The following ELMO1 variants were observed in gnomAD, a reference collection of about 807,000 sequenced individuals.
ELMO1 encodes the protein engulfment and cell motility protein 1.
ELMO1 carries 26 observed loss-of-function variants against 98.9 expected under a neutral mutation model. The observed-to-expected ratio is 0.26, with a 90% CI of 0.19 to 0.36. ELMO1 has a LOEUF of 0.36. Among genes scored for constraint, ELMO1 ranks in the 10% least tolerant of loss-of-function variants. The pLI, the probability that ELMO1 is intolerant of heterozygous loss-of-function variation, is 1.00. For synonymous variants in ELMO1, 346 were observed against 346.0 expected, an observed-to-expected ratio of 1.00 and a Z score of 0.00; for missense variants, 627 against 935.2, an observed-to-expected ratio of 0.67 and a Z score of 4.30.
chr7:36,960,056 T>C (rs971047985), intron 16 of ELMO1, among the ~76,000 whole-genome samples: 4 of 152,200 alleles, frequency 2.6e-5, no homozygotes, highest in Non-Finnish European at 5.9e-5. Context: ...CTCCTGTCCA[T>C]TGGTCTCCCC....
intron 16 of ELMO1, among the ~76,000 whole-genome samples, chr7:36,991,051 C>A (rs898802248): frequency 5.3e-5 from 8 of 152,154 alleles, no homozygotes; most frequent in Admixed American, 2.6e-4. Flanking sequence ...GATTCATGTT[C>A]TTTGCTGGCA....
At chr7:37,036,608 AC>A (rs1026148076) in intron 15 of ELMO1, among the ~76,000 whole-genome samples, 49 of 152,074 alleles carry the variant, frequency 3.2e-4, no homozygotes, top group African/African-American at 1.2e-3. Flanking sequence ...CAAACTCCTA[AC>A]CTCAAGTAAT....
chr7:37,152,640 T>C (rs1788443681), intron 13 of ELMO1, among the ~76,000 whole-genome samples: 1 of 152,110 alleles, frequency 6.6e-6, no homozygotes, highest in African/African-American at 2.4e-5. Flanking sequence ...GTGGGAAGCA[T>C]ACACTCAGAT....
chr7:37,345,813 C>T (rs1314905211), intron 1 of ELMO1, among the ~76,000 whole-genome samples: 1 of 151,828 alleles, frequency 6.6e-6, no homozygotes, highest in Non-Finnish European at 1.5e-5. Context: ...CGCCGTGAAA[C>T]CCCATCTCTA....
Position 37,041,852 on chromosome 7 carries a change from C to T in ELMO1, c.1301-28417G>A, listed in dbSNP as rs974973431. On this transcript the variant is annotated intron_variant, in intron 15 of 21. Coordinates refer to ENST00000310758, the MANE Select transcript of ELMO1 (RefSeq NM_014800.11). ...TCACTGAGTTGCACCAAAGTGGACA[C>T]GGGTTTTCTTGACCTTATTTTCTAT... Among the ~76,000 whole-genome samples the T allele has an allele frequency of 3.3e-5, 5 of 152,166 alleles. No homozygotes were observed. The South Asian group carries it at 1.0e-3, about 32-fold the overall frequency.
At chr7:37,442,223 G>A (rs145149862) in intron 1 of ELMO1, among the ~76,000 whole-genome samples, 4 of 152,272 alleles carry the variant, frequency 2.6e-5, no homozygotes, top group Non-Finnish European at 5.9e-5. Flanking sequence ...ATAGCACTGA[G>A]GCTGACACTG....
chr7:37,302,593 TGAA>T (rs1415798043), intron 4 of ELMO1, among the ~76,000 whole-genome samples: 1 of 151,994 alleles, frequency 6.6e-6, no homozygotes, highest in Non-Finnish European at 1.5e-5. Flanking sequence ...CAGACATGAG[TGAA>T]GAAGAGGCTT....
intron 16 of ELMO1, among the ~76,000 whole-genome samples, chr7:36,980,955 C>T (rs1790999501): frequency 6.6e-6 from 1 of 152,056 alleles, no homozygotes; most frequent in East Asian, 1.9e-4. Flanking sequence ...AAAGGACCCA[C>T]ACAATTTACT....
At chr7:37,103,647 T>C (rs6954372) in intron 14 of ELMO1, among the ~76,000 whole-genome samples, 32,319 of 151,636 alleles carry the variant, frequency 0.21, 4,063 homozygotes, top group African/African-American at 0.35. Flanking sequence ...CTGCACGTTG[T>C]GCACATGTAC....
intron 15 of ELMO1, among the ~76,000 whole-genome samples, chr7:37,085,016 CA>C (rs1783686421): frequency 6.6e-6 from 1 of 152,164 alleles, no homozygotes; most frequent in South Asian, 2.1e-4. Context: ...CTCAGCCTCC[CA>C]AAGTGGTTGG....
intron 1 of ELMO1, among the ~76,000 whole-genome samples, chr7:37,357,198 A>G (rs1801529801): frequency 6.6e-6 from 1 of 152,070 alleles, no homozygotes; most frequent in Non-Finnish European, 1.5e-5. Flanking sequence ...TTGGGTCTTC[A>G]TTTCTGGGGC....
At chr7:37,444,669 C>T (rs1461066156) in intron 1 of ELMO1, among the ~76,000 whole-genome samples, 3 of 142,906 alleles carry the variant, frequency 2.1e-5, no homozygotes, top group African/African-American at 8.0e-5. Flanking sequence ...CCCACTACCA[C>T]GCCCGGCTAA....
intron 16 of ELMO1, among the ~76,000 whole-genome samples, chr7:37,009,333 C>T (rs1336502783): frequency 3.3e-5 from 5 of 152,170 alleles, no homozygotes; most frequent in Non-Finnish European, 5.9e-5. Flanking sequence ...CTGCAGAGTG[C>T]TATATTGAGA....
chr7:37,259,504 C>A (rs1795870662), intron 5 of ELMO1, among the ~76,000 whole-genome samples, 154 bp from the exon 6 acceptor site: 2 of 152,180 alleles, frequency 1.3e-5, no homozygotes, highest in South Asian at 4.1e-4. Context: ...GGCTTCAAGG[C>A]TTCCAACCCA....
intron 13 of ELMO1, among the ~76,000 whole-genome samples, chr7:37,196,506 T>C (rs1791971508): frequency 6.6e-6 from 1 of 152,130 alleles, no homozygotes; most frequent in Admixed American, 6.5e-5. Context: ...GTGGTCTTCA[T>C]TAGTGGGAAT....
intron 15 of ELMO1, among the ~76,000 whole-genome samples, chr7:37,096,326 C>T (rs1355287530): frequency 6.6e-6 from 1 of 151,522 alleles, no homozygotes; most frequent in Non-Finnish European, 1.5e-5. Flanking sequence ...TTTTTTTTTC[C>T]TGAACAGAAG....
chr7:36,939,854 A>C (rs1026941919), intron 16 of ELMO1, among the ~76,000 whole-genome samples: 6 of 152,254 alleles, frequency 3.9e-5, no homozygotes, highest in Non-Finnish European at 1.5e-5. Context: ...CTGACCCACA[A>C]TAAGAAAACA....
At chr7:36,877,730 C>A (rs1454553700) in intron 19 of ELMO1, among the ~76,000 whole-genome samples, 1 of 152,180 alleles carries the variant, frequency 6.6e-6, no homozygotes, top group Non-Finnish European at 1.5e-5. Flanking sequence ...CTTGACACAG[C>A]ACCTGGATAA....
intron 1 of ELMO1, among the ~76,000 whole-genome samples, chr7:37,410,221 AC>A (rs1562673396): frequency 6.6e-6 from 1 of 152,248 alleles, no homozygotes; most frequent in African/African-American, 2.4e-5. Flanking sequence ...ACTCCCCAGT[AC>A]TATTGCAGTT....
Sources: allele counts gnomAD v4.1 joint callset (sites outside exome capture counted in the v4.1 genomes callset), GRCh38; gene constraint gnomAD v4.1.1; transcripts MANE v1.5; gene names NCBI Gene and HGNC (gene_info 2026-07-23, HGNC 2026-07-21).